MARCHF4: variants seen among roughly 807,000 people sequenced by gnomAD.
MARCHF4 encodes the protein E3 ubiquitin-protein ligase MARCHF4.
MARCHF4 carries 14 observed loss-of-function variants against 43.9 expected under a neutral mutation model. That is an observed-to-expected ratio of 0.32 (90% confidence interval 0.21 to 0.50). The LOEUF (loss-of-function observed/expected upper bound fraction) is 0.50. Among genes scored for constraint, MARCHF4 ranks in the 20% least tolerant of loss-of-function variants. MARCHF4 has a pLI of 0.98. For synonymous variants in MARCHF4, 226 were observed against 213.3 expected, an observed-to-expected ratio of 1.06 and a Z score of -0.52; for missense variants, 468 against 536.7, an observed-to-expected ratio of 0.87 and a Z score of 1.27.
chr2:216,363,871 G>A (rs759652358), intron 1 of MARCHF4, among the ~76,000 whole-genome samples: 11 of 152,156 alleles, frequency 7.2e-5, no homozygotes, highest in Non-Finnish European at 1.6e-4. Flanking sequence ...TGTTTACTGG[G>A]CCTGGATGTC....
intron 1 of MARCHF4, among the ~76,000 whole-genome samples, chr2:216,324,765 A>G (rs1393207199): frequency 8.4e-6 from 1 of 119,210 alleles, no homozygotes; most frequent in Non-Finnish European, 1.7e-5. Context: ...AAATTCAACA[A>G]CATTCATGCT....
intron 1 of MARCHF4, among the ~76,000 whole-genome samples, chr2:216,284,289 T>C (rs1691183753): frequency 6.6e-6 from 1 of 152,064 alleles, no homozygotes; most frequent in Admixed American, 6.5e-5. Context: ...TGGGTCTGGC[T>C]GGGGGTAGCT....
intron 1 of MARCHF4, chr2:216,303,478 C>G (rs75326988): frequency 6.6e-6 from 1 of 152,178 alleles, no homozygotes; most frequent in African/African-American, 2.4e-5. Context: ...TAGGTCAGGG[C>G]TGTTGGAGAC....
chr2:216,291,139 T>C (rs1249208766), intron 1 of MARCHF4, among the ~76,000 whole-genome samples: 1 of 151,964 alleles, frequency 6.6e-6, no homozygotes, highest in Non-Finnish European at 1.5e-5. Flanking sequence ...TGCCAATGTT[T>C]AGAGGTCAGG....
chr2:216,370,303 C>T lies in MARCHF4; in HGVS notation c.-43G>A. 6.6e-7 allele frequency: 1 copy of T among 1,521,606 alleles called. No individual in the cohort carries two copies. The highest frequency in any genetic ancestry group is 8.8e-7 in the Non-Finnish European group (1 of 1,132,452). 94.3% of individuals were successfully genotyped at this position (1,521,606 alleles called of 1,614,324 possible). A position where few individuals can be genotyped will look rare whatever the true frequency, so the allele number is the denominator to read the frequency against. ...AGAGCCCAAGAGGGGTGGCTGGAGTCTTAAAAGAGGGGGACAGGACAGGTT... is the reference window on the plus strand; with the variant it reads ...AGAGCCCAAGAGGGGTGGCTGGAGTTTTAAAAGAGGGGGACAGGACAGGTT... On this transcript the variant is annotated 5_prime_UTR_variant, in exon 1 of 4. Transcript: ENST00000273067.
chr2:216,292,440 A>T (rs1691323283), intron 1 of MARCHF4, among the ~76,000 whole-genome samples: 1 of 152,220 alleles, frequency 6.6e-6, no homozygotes, highest in African/African-American at 2.4e-5. Flanking sequence ...CATGTGTATT[A>T]GTGTGGGGAG....
At chr2:216,328,897 G>A (rs1158825121) in intron 1 of MARCHF4, among the ~76,000 whole-genome samples, 1 of 152,032 alleles carries the variant, frequency 6.6e-6, no homozygotes, top group Non-Finnish European at 1.5e-5. Flanking sequence ...AATTAGCCAG[G>A]CATGGTGGTG....
At chr2:216,332,904 G>A (rs1207950336) in intron 1 of MARCHF4, among the ~76,000 whole-genome samples, 2 of 152,174 alleles carry the variant, frequency 1.3e-5, no homozygotes, top group Non-Finnish European at 2.9e-5. Flanking sequence ...GAAATGGTAG[G>A]GTGGTGAGGG....
intron 1 of MARCHF4, among the ~76,000 whole-genome samples, chr2:216,348,848 T>C (rs2105978193): frequency 6.6e-6 from 1 of 152,326 alleles, no homozygotes; most frequent in South Asian, 2.1e-4. Context: ...GAAATTATGG[T>C]ACACACTAAA....
chr2:216,369,612 T>C, intron 1 of MARCHF4, 133 bp downstream of exon 1: 1 of 677,556 alleles, frequency 1.5e-6, no homozygotes, highest in East Asian at 2.8e-5. Flanking sequence ...ACAAGAAACA[T>C]CAATGAGGGC....
intron 1 of MARCHF4, among the ~76,000 whole-genome samples, chr2:216,349,978 C>T (rs867446483): frequency 1.2e-4 from 18 of 152,112 alleles, no homozygotes; most frequent in Admixed American, 6.5e-5. Flanking sequence ...AACTAACATG[C>T]TCAGGGGCCT....
chr2:216,317,743 C>T (rs1446052970), intron 1 of MARCHF4, among the ~76,000 whole-genome samples: 1 of 152,136 alleles, frequency 6.6e-6, no homozygotes, highest in Non-Finnish European at 1.5e-5. Context: ...GCTTTTTTTA[C>T]ACCTCTCTAT....
chr2:216,309,870 GC>G (rs35364363), intron 1 of MARCHF4, among the ~76,000 whole-genome samples: 60,709 of 151,734 alleles, frequency 0.4, 13,014 homozygotes, highest in Middle Eastern at 0.52. Flanking sequence ...TTGGCTTTCT[GC>G]CCCCTTTCAA....
At chr2:216,328,225 A>G (rs561210543) in intron 1 of MARCHF4, among the ~76,000 whole-genome samples, 8 of 152,232 alleles carry the variant, frequency 5.3e-5, no homozygotes, top group African/African-American at 1.9e-4. Context: ...GCTAGAGTGC[A>G]ATGGCGCGAT....
intron 1 of MARCHF4, among the ~76,000 whole-genome samples, chr2:216,359,755 T>C (rs551591892): frequency 1.3e-5 from 2 of 152,350 alleles, no homozygotes; most frequent in Admixed American, 1.3e-4. Flanking sequence ...GCACCTGCTT[T>C]CTGCTCTAAA....
At position 216,259,858 on chromosome 2, in the gene MARCHF4, G is replaced by A. The variant is rs990848934; in HGVS notation, c.866-179C>T. 13 of 624,832 alleles carry A rather than the reference G, an allele frequency of 2.1e-5. No homozygotes were observed. The African/African-American group carries it at 2.4e-4, about 12-fold the overall frequency. The allele number at this position is 624,832 out of a possible 1,614,324, so 38.7% of individuals were successfully genotyped here. A position where few individuals can be genotyped will look rare whatever the true frequency, so the allele number is the denominator to read the frequency against. ...GTTCCAGTAGGCAGAAGGTGGAGGGGCCACCAGACCGAGTCCATGAAATAG... is the reference window on the plus strand; with the variant it reads ...GTTCCAGTAGGCAGAAGGTGGAGGGACCACCAGACCGAGTCCATGAAATAG... On this transcript the variant is annotated intron_variant, in intron 3 of 3. Coordinates refer to ENST00000273067, the MANE Select transcript of MARCHF4 (RefSeq NM_020814.3).
At chr2:216,334,262 C>T (rs1692124123) in intron 1 of MARCHF4, among the ~76,000 whole-genome samples, 1 of 152,074 alleles carries the variant, frequency 6.6e-6, no homozygotes, top group Admixed American at 6.6e-5. Context: ...GGAAGAAGGC[C>T]TTGAGCCAAG....
At chr2:216,327,863 T>C (rs187953550) in intron 1 of MARCHF4, among the ~76,000 whole-genome samples, 191 of 152,178 alleles carry the variant, frequency 1.3e-3, no homozygotes, top group Admixed American at 6.0e-3. Flanking sequence ...ATCTACAGGT[T>C]TTCTACAGTC....
In MARCHF4 at chr2:216,328,539, G is replaced by C. The variant is rs144769288; in HGVS notation, c.516+41206C>G. ...TCACTGTGACTCCTGCTACATCCCA[G>C]CTTTGCCCTCCAGGGGCCGTTAGAG... On this transcript the variant is annotated intron_variant, in intron 1 of 3. Transcript: ENST00000273067. 3.8e-3 allele frequency among the ~76,000 whole-genome samples: 580 copies of C among 152,284 alleles called. 5 individuals are homozygous for C. The highest frequency in any genetic ancestry group is 0.013 in the African/African-American group (548 of 41,542).
Sources: gnomAD v4.1 joint callset for allele counts (sites outside exome capture counted in the v4.1 genomes callset) on GRCh38, gnomAD v4.1.1 for gene constraint, MANE v1.5 for transcripts, NCBI Gene and HGNC (gene_info 2026-07-23, HGNC 2026-07-21) for gene names.